CA10: variants seen among roughly 807,000 people sequenced by gnomAD.
CA10 encodes carbonic anhydrase 10 (inactive).
Under a neutral mutation model 44.2 loss-of-function variants are expected in CA10, and 14 were observed. That is an observed-to-expected ratio of 0.32 (90% confidence interval 0.21 to 0.50). The LOEUF (loss-of-function observed/expected upper bound fraction) is 0.50, where lower values mean the gene tolerates loss of function less well. CA10 is among the 20% of genes least tolerant of loss of function. CA10 has a pLI of 0.99. For missense variants in CA10, 350 were observed against 409.7 expected, an observed-to-expected ratio of 0.85 and a Z score of 1.26; for synonymous variants, 159 against 141.6, an observed-to-expected ratio of 1.12 and a Z score of -0.87.
At chr17:52,021,724 T>C (rs1261537111) in intron 2 of CA10, among the ~76,000 whole-genome samples, 1 of 152,022 alleles carries the variant, frequency 6.6e-6, no homozygotes, top group East Asian at 1.9e-4. Context: ...AAGATGACAT[T>C]ACAACCAATC....
chr17:51,716,936 A>C (rs1916132758), intron 4 of CA10, among the ~76,000 whole-genome samples: 1 of 152,200 alleles, frequency 6.6e-6, no homozygotes, highest in South Asian at 2.1e-4. Flanking sequence ...GGAGATCTTA[A>C]CTGGGATGAG....
Position 51,684,832 on chromosome 17 carries a change from C to A in CA10, c.466-31096G>T, listed in dbSNP as rs183442871. Among the ~76,000 whole-genome samples, 221 of 152,158 alleles carry A rather than the reference C, an allele frequency of 1.5e-3. 2 individuals are homozygous for A. The highest frequency in any genetic ancestry group is 5.3e-3 in the African/African-American group (219 of 41,502). ...CTCCTCCAAAGAGAATTTATAATGC[C>A]TTAAAATATTAAAAAGTGTAAGCTG... On this transcript the variant is annotated intron_variant, in intron 4 of 8. Transcript: ENST00000451037.
chr17:51,920,886 T>C (rs8064362), intron 3 of CA10, among the ~76,000 whole-genome samples: 12,257 of 152,288 alleles, frequency 0.08, 513 homozygotes, highest in South Asian at 0.092. Context: ...ACAACTACCT[T>C]GATCTCATTT....
At chr17:52,021,463 C>T (rs1180926520) in intron 2 of CA10, among the ~76,000 whole-genome samples, 2 of 151,936 alleles carry the variant, frequency 1.3e-5, no homozygotes, top group African/African-American at 2.4e-5. Flanking sequence ...TGCAGCCTTG[C>T]CAATATCTGT....
intron 1 of CA10, among the ~76,000 whole-genome samples, chr17:52,146,315 T>C (rs1451768484): frequency 6.6e-6 from 1 of 152,122 alleles, no homozygotes; most frequent in East Asian, 1.9e-4. Flanking sequence ...ATCCCACCAC[T>C]TTGGGAGGCC....
chr17:51,876,041 T>C (rs527707488), intron 3 of CA10, among the ~76,000 whole-genome samples: 25 of 152,324 alleles, frequency 1.6e-4, no homozygotes, highest in African/African-American at 5.5e-4. Context: ...GACCATGGTT[T>C]ATCTGTTTAA....
chr17:51,881,512 T>C (rs1980374465), intron 3 of CA10, among the ~76,000 whole-genome samples: 1 of 151,592 alleles, frequency 6.6e-6, no homozygotes, highest in Non-Finnish European at 1.5e-5. Flanking sequence ...AAAGAAAAAA[T>C]TTGCAACACC....
At chr17:51,652,701 A>C (rs1157248792) in intron 5 of CA10, among the ~76,000 whole-genome samples, 1 of 152,208 alleles carries the variant, frequency 6.6e-6, no homozygotes, top group East Asian at 1.9e-4. Context: ...TCAGTGCCCC[A>C]GGTGCCCATT....
intron 2 of CA10, among the ~76,000 whole-genome samples, chr17:52,055,040 C>A (rs1987185757): frequency 1.3e-5 from 2 of 152,012 alleles, no homozygotes; most frequent in African/African-American, 4.8e-5. Flanking sequence ...AAATAATTAA[C>A]AAACATATAC....
chr17:52,022,742 T>C (rs1372094789), intron 2 of CA10, among the ~76,000 whole-genome samples: 2 of 152,046 alleles, frequency 1.3e-5, no homozygotes, highest in East Asian at 1.9e-4. Context: ...CTAAAACTGA[T>C]AAACAACTTC....
At chr17:51,707,081 G>A (rs1915785233) in intron 4 of CA10, among the ~76,000 whole-genome samples, 1 of 152,068 alleles carries the variant, frequency 6.6e-6, no homozygotes, top group Non-Finnish European at 1.5e-5. Flanking sequence ...AAGAGTTTTT[G>A]TTCTTTTTTT....
intron 3 of CA10, among the ~76,000 whole-genome samples, chr17:51,927,032 A>G (rs1982460497): frequency 6.6e-6 from 1 of 152,184 alleles, no homozygotes; most frequent in African/African-American, 2.4e-5. Flanking sequence ...AAAAAATAAA[A>G]CAGTATTATC....
chr17:51,687,601 G>A (rs916208472), intron 4 of CA10, among the ~76,000 whole-genome samples: 1 of 152,154 alleles, frequency 6.6e-6, no homozygotes, highest in Non-Finnish European at 1.5e-5. Flanking sequence ...TGTACCAGTG[G>A]TTTCCGGGTC....
intron 4 of CA10, among the ~76,000 whole-genome samples, chr17:51,724,259 T>A (rs558103102): frequency 1.3e-5 from 2 of 152,350 alleles, no homozygotes; most frequent in South Asian, 4.1e-4. Context: ...CCAAAATAAG[T>A]GACATTCCTT....
chr17:51,947,548 C>T (rs1169852799), intron 2 of CA10, among the ~76,000 whole-genome samples: 4 of 152,190 alleles, frequency 2.6e-5, no homozygotes, highest in Non-Finnish European at 5.9e-5. Flanking sequence ...TAATATGACA[C>T]TATAATCTGA....
chr17:51,834,998 T>C (rs987654002), intron 3 of CA10, among the ~76,000 whole-genome samples: 2 of 152,122 alleles, frequency 1.3e-5, no homozygotes, highest in Non-Finnish European at 2.9e-5. Context: ...GCTCTGGGAA[T>C]GGGACCAACC....
chr17:51,654,961 A>C (rs1312580519), intron 4 of CA10, among the ~76,000 whole-genome samples: 3 of 152,148 alleles, frequency 2.0e-5, no homozygotes, highest in Non-Finnish European at 2.9e-5. Flanking sequence ...AACTATTAAC[A>C]GTTTAGTGTA....
intron 4 of CA10, among the ~76,000 whole-genome samples, chr17:51,692,416 T>TA (rs1555585289): frequency 5.6e-5 from 7 of 125,300 alleles, no homozygotes; most frequent in Admixed American, 1.6e-4. Flanking sequence ...TCTATCTATC[T>TA]ATCTATCTAT....
At chr17:51,641,499 T>C (rs966570394) in intron 6 of CA10, among the ~76,000 whole-genome samples, 4 of 152,258 alleles carry the variant, frequency 2.6e-5, no homozygotes, top group Non-Finnish European at 1.5e-5. Context: ...GTTGGCTGTA[T>C]CTTTATAGTA....
Sources: gnomAD v4.1 joint callset for allele counts (sites outside exome capture counted in the v4.1 genomes callset) on GRCh38, gnomAD v4.1.1 for gene constraint, MANE v1.5 for transcripts, NCBI Gene and HGNC (gene_info 2026-07-23, HGNC 2026-07-21) for gene names.